Variants in FAM169A observed in about 807,000 individuals in gnomAD.
The protein encoded by FAM169A is family with sequence similarity 169 member A.
In FAM169A, 24 loss-of-function variants were observed where a neutral mutation model predicts 75.7. That is an observed-to-expected ratio of 0.32 (90% CI 0.23 to 0.45). The LOEUF is 0.45. Among genes scored for constraint, FAM169A ranks in the 20% least tolerant of loss-of-function variants. FAM169A has a pLI of 1.00. For missense variants in FAM169A, 673 were observed against 784.0 expected (o/e 0.86, Z 1.69); for synonymous variants, 271 against 271.0 (o/e 1.00, Z 0.00).
At chr5:74,826,514 T>C (rs1748035702) in intron 5 of FAM169A, among the ~76,000 whole-genome samples, 1 of 152,214 alleles carries the variant, frequency 6.6e-6, no homozygotes, top group Non-Finnish European at 1.5e-5. Flanking sequence ...TTTTTGCTCA[T>C]GTAGCCATAA....
In FAM169A at chr5:74,780,164, C is replaced by T. The variant is rs1012483629; in HGVS notation, c.*1296G>A. Reference sequence around the variant, plus strand: ...TTCCTAGGCCTTTGTTATGGCAACACAATATATACTTAACAGGCCAGCTTG... The same window carrying T: ...TTCCTAGGCCTTTGTTATGGCAACATAATATATACTTAACAGGCCAGCTTG... On this transcript the variant is annotated 3_prime_UTR_variant, in exon 13 of 13. Coordinates refer to ENST00000687041, the MANE Select transcript of FAM169A (RefSeq NM_001376049.1). 2.6e-5 allele frequency: 4 copies of T among 152,052 alleles called. No homozygotes were observed. Among genetic ancestry groups the T allele is most frequent in the African/African-American group, 9.7e-5 (4 of 41,386 alleles). The allele number at this position is 152,052 out of a possible 1,614,324, so 9.4% of individuals were successfully genotyped here. A position where few individuals can be genotyped will look rare whatever the true frequency, so the allele number is the denominator to read the frequency against.
chr5:74,820,918 T>C (rs973312792), intron 5 of FAM169A, among the ~76,000 whole-genome samples: 1 of 152,214 alleles, frequency 6.6e-6, no homozygotes, highest in African/African-American at 2.4e-5. Flanking sequence ...GCTCTTACTA[T>C]TTCTGAAGTA....
At chr5:74,853,507 G>C (rs905568073) in intron 1 of FAM169A, among the ~76,000 whole-genome samples, 5 of 152,022 alleles carry the variant, frequency 3.3e-5, no homozygotes, top group Admixed American at 1.3e-4. Context: ...GTCTCCAGAG[G>C]GGTTTAACCT....
intron 10 of FAM169A, 55 bp from the exon 11 acceptor site, chr5:74,796,241 T>C (rs1746268138): frequency 4.1e-6 from 6 of 1,478,124 alleles, no homozygotes; most frequent in Non-Finnish European, 5.5e-6. Flanking sequence ...AAATATAAAA[T>C]CTCAGAAGTC....
At position 74,846,103 on chromosome 5, in the gene FAM169A, C is replaced by T. The variant is rs866302945; in HGVS notation, c.-3-4424G>A. 8.5e-5 allele frequency among the ~76,000 whole-genome samples: 13 copies of T among 152,176 alleles called. No individual in the cohort carries two copies. The East Asian group carries it at 1.5e-3, about 18-fold the overall frequency. ...GGACAAGACTCCTAATATCAAATAT[C>T]CAAATTGTATCAAAGACTCATACAT... On this transcript the variant is annotated intron_variant, in intron 1 of 12. Coordinates refer to ENST00000687041, the MANE Select transcript of FAM169A (RefSeq NM_001376049.1).
At chr5:74,849,290 A>C (rs1340583140) in intron 1 of FAM169A, among the ~76,000 whole-genome samples, 1 of 152,182 alleles carries the variant, frequency 6.6e-6, no homozygotes, top group East Asian at 1.9e-4. Flanking sequence ...AAGAGTTAGA[A>C]AACAAATTTA....
intron 1 of FAM169A, among the ~76,000 whole-genome samples, chr5:74,851,518 G>A (rs538240523): frequency 7.3e-4 from 111 of 152,200 alleles, no homozygotes; most frequent in African/African-American, 2.5e-3. Context: ...TCTATGAACA[G>A]GAAATAGAGA....
intron 1 of FAM169A, among the ~76,000 whole-genome samples, chr5:74,853,200 G>A (rs1749530982): frequency 1.3e-5 from 2 of 152,050 alleles, no homozygotes; most frequent in South Asian, 2.1e-4. Flanking sequence ...TAGGAAGAAA[G>A]GTCTTAATTT....
intron 5 of FAM169A, among the ~76,000 whole-genome samples, chr5:74,817,266 T>G (rs1456553198): frequency 6.6e-6 from 1 of 151,938 alleles, no homozygotes; most frequent in African/African-American, 2.4e-5. Flanking sequence ...AGTCTCTATT[T>G]GCAGGTAACA....
chr5:74,818,895 G>GA (rs1747627316), intron 5 of FAM169A, among the ~76,000 whole-genome samples: 1 of 151,482 alleles, frequency 6.6e-6, no homozygotes, highest in Non-Finnish European at 1.5e-5. Context: ...ATAAGGCTGG[G>GA]AAAAATGTTT....
chr5:74,832,822 T>C (rs138230027), intron 5 of FAM169A, among the ~76,000 whole-genome samples: 1 of 152,100 alleles, frequency 6.6e-6, no homozygotes, highest in Non-Finnish European at 1.5e-5. Flanking sequence ...AAGGCTAGTA[T>C]AAGCCCACTT....
At position 74,835,601 on chromosome 5, in the gene FAM169A, C is replaced by CAAA. The variant is rs35800429; in HGVS notation, c.319-1007_319-1005dup. ...TGGGCGACAGAGTGAGACTGTGTCT[C>CAAA]AAAAAAAAAAAAAAAAAAAAAAAAA... On this transcript the variant is annotated intron_variant, in intron 4 of 12. Coordinates refer to ENST00000687041, the MANE Select transcript of FAM169A (RefSeq NM_001376049.1). 1.3e-3 allele frequency among the ~76,000 whole-genome samples: 75 copies of CAAA among 59,070 alleles called. 3 individuals are homozygous for CAAA. The highest frequency in any genetic ancestry group is 1.8e-3 in the African/African-American group (32 of 17,392). 38.8% of individuals were successfully genotyped at this position (59,070 alleles called of 152,430 possible).
chr5:74,778,261 A>G lies in FAM169A; in HGVS notation c.*3199T>C, dbSNP rs553490524. On this transcript the variant is annotated 3_prime_UTR_variant, in exon 13 of 13. Transcript: ENST00000687041. Reference sequence around the variant, plus strand: ...CCTGAAACATTTTTCAAAATACTGTAACACAGATGAGTAATATTAGTATAA... The same window carrying G: ...CCTGAAACATTTTTCAAAATACTGTGACACAGATGAGTAATATTAGTATAA... The G allele has an allele frequency of 1.3e-5, 2 of 152,200 alleles. No individual in the cohort carries two copies. The highest frequency in any genetic ancestry group is 4.1e-4 in the South Asian group (2 of 4,832). The allele number at this position is 152,200 out of a possible 1,614,324, so 9.4% of individuals were successfully genotyped here.
intron 6 of FAM169A, among the ~76,000 whole-genome samples, chr5:74,811,261 T>C (rs750209731): frequency 1.3e-5 from 2 of 152,156 alleles, no homozygotes; most frequent in African/African-American, 4.8e-5. Flanking sequence ...TAAGGCTTTA[T>C]AGGAAGATAG....
At chr5:74,819,665 A>T (rs536397134) in intron 5 of FAM169A, among the ~76,000 whole-genome samples, 3 of 152,360 alleles carry the variant, frequency 2.0e-5, no homozygotes, top group Admixed American at 6.5e-5. Context: ...CCAAACTGTT[A>T]TTTATCAACT....
intron 11 of FAM169A, among the ~76,000 whole-genome samples, chr5:74,784,950 T>C (rs1561285991): frequency 1.3e-5 from 2 of 150,090 alleles, no homozygotes; most frequent in African/African-American, 2.5e-5. Context: ...AAAATGATAG[T>C]TGTCACTGTC....
At chr5:74,800,807 TTGA>T (rs950869770) in intron 10 of FAM169A, 70 bp downstream of exon 10, 5 of 565,670 alleles carry the variant, frequency 8.8e-6, no homozygotes, top group African/African-American at 6.0e-5. Flanking sequence ...ATATTAAATA[TTGA>T]TAATATAAAA....
chr5:74,827,549 A>G (rs985555645), intron 5 of FAM169A, among the ~76,000 whole-genome samples: 2 of 152,112 alleles, frequency 1.3e-5, no homozygotes, highest in Non-Finnish European at 2.9e-5. Context: ...TGGAATTATT[A>G]TAATTATTAT....
chr5:74,833,349 A>G (rs568092366), intron 5 of FAM169A, among the ~76,000 whole-genome samples: 1 of 152,184 alleles, frequency 6.6e-6, no homozygotes, highest in Admixed American at 6.5e-5. Context: ...CTTTCTCCTC[A>G]TGTATAATCA....
Sources: allele counts gnomAD v4.1 joint callset (sites outside exome capture counted in the v4.1 genomes callset), GRCh38; gene constraint gnomAD v4.1.1; transcripts MANE v1.5; gene names NCBI Gene and HGNC (gene_info 2026-07-23, HGNC 2026-07-21).